PCDH15: variants seen among roughly 807,000 people sequenced by gnomAD.
PCDH15 encodes protocadherin related 15.
In PCDH15, 129 loss-of-function variants were observed where a neutral mutation model predicts 178.5. The ratio of observed to expected loss-of-function variants is 0.72; its 90% CI spans 0.63 to 0.84. The LOEUF (loss-of-function observed/expected upper bound fraction) is 0.84. Ranked by LOEUF, PCDH15 falls within the 40% of genes least tolerant of loss-of-function variation. The pLI, the probability that PCDH15 is intolerant of heterozygous loss-of-function variation, is 0.00. For missense variants in PCDH15, 2,230 were observed against 2,099.9 expected (o/e 1.06, Z -1.21); for synonymous variants, 800 against 732.0 (o/e 1.09, Z -1.50).
intron 2 of PCDH15, among the ~76,000 whole-genome samples, chr10:54,634,143 T>C (rs1273703660): frequency 6.6e-6 from 1 of 151,944 alleles, no homozygotes; most frequent in African/African-American, 2.4e-5. Flanking sequence ...CAATACTGCA[T>C]TTCAAGAAGA....
rs191896530 is a variant in PCDH15, at chr10:55,143,903, C to T, written c.-80+22673G>A. Among the ~76,000 whole-genome samples the T allele has an allele frequency of 2.0e-4, 30 of 152,066 alleles. No homozygotes were observed. In the East Asian group the frequency reaches 5.4e-3, roughly 27 times the overall value. On this transcript the variant is annotated intron_variant, in intron 2 of 5. Transcript: ENST00000458638. ...CAAATTTTACAAGTTGAAACCAATG[C>T]CCCTGGGATCTTAGCCCTTTTTACT... is the stretch of plus-strand genomic sequence containing the variant.
At chr10:55,104,530 A>T (rs1045415078) in intron 2 of PCDH15, among the ~76,000 whole-genome samples, 8 of 152,306 alleles carry the variant, frequency 5.3e-5, no homozygotes, top group African/African-American at 1.4e-4. Flanking sequence ...CACATAAAAG[A>T]TGCATTTTCA....
chr10:54,846,792 A>T (rs772911990), intron 3 of PCDH15, among the ~76,000 whole-genome samples: 1 of 152,146 alleles, frequency 6.6e-6, no homozygotes, highest in Non-Finnish European at 1.5e-5. Flanking sequence ...TTTAGGTGAC[A>T]GGTCTGTGAA....
chr10:54,402,763 T>G lies in PCDH15; in HGVS notation c.158-23821A>C, dbSNP rs1470828958. ...CATTGAACTTAATTCATGAAATGTT[T>G]TGTGTGTTCTGATTGCTCCACCTAC... On this transcript the variant is annotated intron_variant, in intron 3 of 37. Coordinates refer to ENST00000644397, the MANE Select transcript of PCDH15 (RefSeq NM_001384140.1). Among the ~76,000 whole-genome samples, 11 of 152,096 alleles carry G rather than the reference T, an allele frequency of 7.2e-5. No individual in the cohort carries two copies. In the East Asian group the frequency reaches 2.1e-3, roughly 29 times the overall value.
At chr10:54,651,841 A>C (rs1247873189) in intron 2 of PCDH15, among the ~76,000 whole-genome samples, 1 of 152,192 alleles carries the variant, frequency 6.6e-6, no homozygotes, top group Non-Finnish European at 1.5e-5. Context: ...ATATTTAAAC[A>C]ACTCATCAGA....
intron 3 of PCDH15, among the ~76,000 whole-genome samples, chr10:54,465,687 G>A (rs1284105697): frequency 3.9e-5 from 6 of 151,946 alleles, no homozygotes; most frequent in Non-Finnish European, 8.8e-5. Flanking sequence ...ATTGTGAATA[G>A]TACTGTAATA....
intron 6 of PCDH15, among the ~76,000 whole-genome samples, chr10:54,345,488 G>C (rs1025727159): frequency 1.3e-5 from 2 of 152,032 alleles, no homozygotes; most frequent in African/African-American, 4.8e-5. Flanking sequence ...TTGAGGAGCT[G>C]CCTCAAAGAA....
intron 2 of PCDH15, among the ~76,000 whole-genome samples, chr10:54,906,746 A>G (rs1954729434): frequency 6.6e-6 from 1 of 152,174 alleles, no homozygotes; most frequent in Admixed American, 6.5e-5. Flanking sequence ...TATATAAGAC[A>G]GCAAGTACAT....
At chr10:54,596,366 C>T (rs749302651) in intron 2 of PCDH15, among the ~76,000 whole-genome samples, 3 of 152,074 alleles carry the variant, frequency 2.0e-5, no homozygotes, top group Non-Finnish European at 2.9e-5. Context: ...CTAAACAAAG[C>T]TTCCTAAGTG....
chr10:53,823,040 A>AGACTT, intron 32 of PCDH15: 1 of 1,613,984 alleles, frequency 6.2e-7, no homozygotes, highest in Non-Finnish European at 8.5e-7. Flanking sequence ...GGCCCCTCAG[A>AGACTT]GACTTACTCT....
Position 54,326,961 on chromosome 10 carries a change from C to T in PCDH15, c.705+2635G>A, listed in dbSNP as rs558219417. ...TTGCATTTAAATTCAAATGTTCATT[C>T]GACTTCTTCCTAATGCTATTCCTTC... On this transcript the variant is annotated intron_variant, in intron 7 of 37. Transcript: ENST00000644397. Among the ~76,000 whole-genome samples the T allele has an allele frequency of 1.9e-3, 283 of 152,092 alleles. 3 individuals are homozygous for T. The highest frequency in any genetic ancestry group is 3.9e-3 in the African/African-American group (161 of 41,524).
At chr10:55,010,323 G>A (rs1207513682) in intron 2 of PCDH15, among the ~76,000 whole-genome samples, 2 of 152,080 alleles carry the variant, frequency 1.3e-5, no homozygotes, top group Admixed American at 6.6e-5. Flanking sequence ...TATGTGATTG[G>A]CTAACATAAG....
chr10:55,202,932 A>G (rs1840295667), intron 1 of PCDH15, among the ~76,000 whole-genome samples: 1 of 152,208 alleles, frequency 6.6e-6, no homozygotes. Flanking sequence ...CTGTGAGTCA[A>G]TTAAATCTCT....
intron 1 of PCDH15, among the ~76,000 whole-genome samples, chr10:54,747,806 A>ATTTTTTTT (rs10628733): frequency 0.013 from 1,710 of 135,458 alleles, 57 homozygotes; most frequent in African/African-American, 0.044. Context: ...CAATGGTTAC[A>ATTTTTTTT]TTTTTTTTTT....
At chr10:55,620,700 A>C (rs187863499) in intron 2 of PCDH15, among the ~76,000 whole-genome samples, 24 of 151,938 alleles carry the variant, frequency 1.6e-4, no homozygotes, top group Admixed American at 1.3e-3. Flanking sequence ...AAAAATATGA[A>C]GTACTAGGTT....
At chr10:54,920,939 A>G (rs1837470595) in intron 2 of PCDH15, among the ~76,000 whole-genome samples, 1 of 152,210 alleles carries the variant, frequency 6.6e-6, no homozygotes, top group African/African-American at 2.4e-5. Flanking sequence ...TCATATCATT[A>G]GGAATAATAA....
intron 15 of PCDH15, among the ~76,000 whole-genome samples, chr10:54,096,646 A>G (rs2094704815): frequency 6.6e-6 from 1 of 152,174 alleles, no homozygotes; most frequent in Non-Finnish European, 1.5e-5. Flanking sequence ...CTACACTTAC[A>G]TAGTAGAAAC....
At chr10:54,199,824 G>T (rs115009900) in intron 10 of PCDH15, among the ~76,000 whole-genome samples, 3 of 151,926 alleles carry the variant, frequency 2.0e-5, no homozygotes, top group African/African-American at 7.3e-5. Flanking sequence ...AGAGTCTATA[G>T]TTACGAGTTA....
intron 2 of PCDH15, among the ~76,000 whole-genome samples, chr10:54,661,028 G>C (rs566120200): frequency 2.0e-4 from 31 of 151,660 alleles, no homozygotes; most frequent in African/African-American, 7.5e-4. Context: ...ACTGTAACAA[G>C]ACAAGGATGG....
Sources: allele counts gnomAD v4.1 joint callset (sites outside exome capture counted in the v4.1 genomes callset), GRCh38; gene constraint gnomAD v4.1.1; transcripts MANE v1.5; gene names NCBI Gene and HGNC (gene_info 2026-07-23, HGNC 2026-07-21).